DPF1: variants seen among roughly 807,000 people sequenced by gnomAD.
The protein encoded by DPF1 is double PHD fingers 1, also known as zinc finger protein neuro-d4.
Under a neutral mutation model 58.7 loss-of-function variants are expected in DPF1, and 14 were observed. The ratio of observed to expected loss-of-function variants is 0.24; its 90% CI spans 0.16 to 0.37. The LOEUF (loss-of-function observed/expected upper bound fraction) is 0.37, where lower values mean the gene tolerates loss of function less well. Among genes scored for constraint, DPF1 ranks in the 10% least tolerant of loss-of-function variants. The pLI, the probability that DPF1 is intolerant of heterozygous loss-of-function variation, is 1.00. For synonymous variants in DPF1, 216 were observed against 216.0 expected (o/e 1.00, Z 0.00); for missense variants, 345 against 529.9 (o/e 0.65, Z 3.43).
In DPF1 at chr19:38,217,812, G is replaced by A. The variant is rs1381102722; in HGVS notation, c.581C>T (p.Pro194Leu). Residue 194 changes from proline (P) to leucine (L), a missense_variant, in exon 6 of 12, where the codon CCG becomes CTG. By Grantham distance (98) the Pro-to-Leu change is moderately conservative (BLOSUM62 -3). Coordinates refer to ENST00000355526, the MANE Select transcript of DPF1 (RefSeq NM_001135155.3). ...GAAGGACTCACTATCACAGACATAC[G>A]GCTTGTCTCGGTCCTCCAGGGAAGC... is the stretch of plus-strand genomic sequence containing the variant. ...DTASLEDRDK[P>L]YVCDICGKRY... 1.5e-5 allele frequency: 24 copies of A among 1,613,914 alleles called. No individual in the cohort carries two copies. Among genetic ancestry groups the A allele is most frequent in the Non-Finnish European group, 1.9e-5 (23 of 1,180,008 alleles).
At chr19:38,218,851 AG>A in intron 4 of DPF1, 79 bp downstream of exon 4, 6 of 1,588,870 alleles carry the variant, frequency 3.8e-6, no homozygotes, top group Non-Finnish European at 5.1e-6. Flanking sequence ...GTTTCAGAGC[AG>A]GAACGTGAGG....
intron 11 of DPF1, 62 bp downstream of exon 11, chr19:38,212,217 TC>T: frequency 6.5e-7 from 1 of 1,527,884 alleles, no homozygotes; most frequent in Non-Finnish European, 8.9e-7. Context: ...CACACAGTCT[TC>T]CACAACCAGG....
intron 10 of DPF1, among the ~76,000 whole-genome samples, chr19:38,212,643 C>T (rs999100492): frequency 1.3e-5 from 2 of 152,018 alleles, no homozygotes; most frequent in Non-Finnish European, 2.9e-5. Context: ...CAGGGTCCTA[C>T]CCTGTTGCCC....
At chr19:38,212,663 G>C (rs1273218417) in intron 10 of DPF1, among the ~76,000 whole-genome samples, 1 of 151,372 alleles carries the variant, frequency 6.6e-6, no homozygotes, top group Non-Finnish European at 1.5e-5. Context: ...CAGGCTGGAA[G>C]TGCGGTGGTG....
chr19:38,222,795 C>T lies in DPF1; in HGVS notation c.30-87G>A. The T allele has an allele frequency of 7.0e-7, 1 of 1,422,336 alleles. No individual in the cohort carries two copies. 88.1% of individuals were successfully genotyped at this position (1,422,336 alleles called of 1,614,324 possible). On this transcript the variant is annotated intron_variant, in intron 1 of 11. Coordinates refer to ENST00000355526, the MANE Select transcript of DPF1 (RefSeq NM_001135155.3). This position sits in a 1 kb window ranked among gnomAD's most constrained non-coding sequence, Gnocchi z 4.9. ...CACCCCTTCCCCGGCTGCCGGGCCG[C>T]CCAGGCTCGGGAGGGGTGGGCCGAC...
chr19:38,216,544 G>T, intron 7 of DPF1, 141 bp from the exon 8 acceptor site: 1 of 1,035,726 alleles, frequency 9.7e-7, no homozygotes, highest in Non-Finnish European at 1.3e-6. Context: ...GCTGTGGGGA[G>T]AGGTGAAAAC....
intron 10 of DPF1, among the ~76,000 whole-genome samples, chr19:38,213,039 GT>G (rs1430424226): frequency 6.7e-6 from 1 of 150,254 alleles, no homozygotes; most frequent in Non-Finnish European, 1.5e-5. Context: ...AGGCTGGAGT[GT>G]GCAGTGGCGC....
chr19:38,215,055 G>C (rs928030107), intron 9 of DPF1, among the ~76,000 whole-genome samples: 3 of 151,164 alleles, frequency 2.0e-5, no homozygotes, highest in African/African-American at 7.3e-5. Flanking sequence ...GGATGGTCTT[G>C]ATCTCTTGAC....
At chr19:38,223,268 C>G (rs1286998239) in intron 1 of DPF1, 1 of 152,960 alleles carries the variant, frequency 6.5e-6, no homozygotes, top group East Asian at 1.9e-4. Flanking sequence ...ACACATACAC[C>G]CCCTCATGCA....
chr19:38,223,039 AAG>A, intron 1 of DPF1: 1 of 324,330 alleles, frequency 3.1e-6, no homozygotes, highest in South Asian at 7.7e-5. Flanking sequence ...TTCACACACA[AAG>A]AGAGACAAAT....
chr19:38,219,213 G>C (rs2146179095), intron 3 of DPF1, 155 bp from the exon 4 acceptor site: 2 of 1,096,398 alleles, frequency 1.8e-6, no homozygotes, highest in South Asian at 3.1e-5. Flanking sequence ...CCAGACTCTG[G>C]GGAGACCCAG....
chr19:38,213,816 C>T, intron 9 of DPF1, 60 bp from the exon 10 acceptor site: 1 of 1,428,400 alleles, frequency 7.0e-7, no homozygotes, highest in Non-Finnish European at 9.8e-7. Context: ...TGGGCACTGA[C>T]CGGCAGGGGA....
At chr19:38,228,412 C>A (rs999086434), upstream of DPF1, among the ~76,000 whole-genome samples, 1 of 151,886 alleles carries the variant, frequency 6.6e-6, no homozygotes, top group African/African-American at 2.4e-5. Context: ...CCCCCACCCC[C>A]GCCCCCAGCC....
chr19:38,219,002 C>G lies in DPF1; in HGVS notation c.355G>C (p.Ala119Pro). The G allele has an allele frequency of 1.9e-6, 3 of 1,614,188 alleles. No individual in the cohort carries two copies. Among genetic ancestry groups the G allele is most frequent in the Non-Finnish European group, 2.5e-6 (3 of 1,180,022 alleles). The change falls in exon 4 of 12, where the codon GCT becomes CCT. Residue 119 changes from alanine to proline, a missense_variant. Coordinates refer to ENST00000355526, the MANE Select transcript of DPF1 (RefSeq NM_001135155.3). Reference sequence around the variant, plus strand: ...TCCCCCGTCTCTGCACACAGTAGAGCCTCGAGGACCGGCCCTTCCGGGAGG... The same window carrying G: ...TCCCCCGTCTCTGCACACAGTAGAGGCTCGAGGACCGGCCCTTCCGGGAGG... ...GGLPEGPVLE[A>P]LLCAETGEKK... is the part of the protein sequence containing the mutation.
At chr19:38,225,209 A>C (rs1447416616), upstream of DPF1, among the ~76,000 whole-genome samples, 1 of 152,076 alleles carries the variant, frequency 6.6e-6, no homozygotes, top group Non-Finnish European at 1.5e-5. Context: ...GTGCCATTGC[A>C]CTCCAGCCTG....
At chr19:38,226,105 C>G (rs1173707127), upstream of DPF1, among the ~76,000 whole-genome samples, 1 of 152,008 alleles carries the variant, frequency 6.6e-6, no homozygotes, top group Non-Finnish European at 1.5e-5. Flanking sequence ...CCTGACGGCC[C>G]TCCCCAAGTA....
chr19:38,223,237 C>CATGGAACATCACATGTG (rs1967636325), intron 1 of DPF1: 1 of 154,976 alleles, frequency 6.5e-6, no homozygotes, highest in Non-Finnish European at 1.4e-5. Context: ...AGACACACAA[C>CATGGAACATCACATGTG]ATGGAAACAT....
At chr19:38,228,508 G>C (rs556565024), upstream of DPF1, among the ~76,000 whole-genome samples, 1 of 150,742 alleles carries the variant, frequency 6.6e-6, no homozygotes, top group African/African-American at 2.4e-5. Context: ...GCGACGCCGC[G>C]GGCGCTCGCC....
intron 3 of DPF1, 39 bp from the exon 4 acceptor site, chr19:38,219,097 G>A: frequency 6.2e-7 from 1 of 1,609,104 alleles, no homozygotes; most frequent in Non-Finnish European, 8.5e-7. Context: ...TGGGGAAGTT[G>A]ACCCCGGAGG....
Sources: allele counts gnomAD v4.1 joint callset (sites outside exome capture counted in the v4.1 genomes callset), GRCh38; gene constraint gnomAD v4.1.1; non-coding constraint Gnocchi (gnomAD v3.1); transcripts MANE v1.5; gene names NCBI Gene and HGNC (gene_info 2026-07-23, HGNC 2026-07-21).